GALNT17: variants seen among roughly 807,000 people sequenced by gnomAD.
The protein encoded by GALNT17 is polypeptide N-acetylgalactosaminyltransferase 17.
A neutral mutation model predicts 63.7 loss-of-function variants in GALNT17; 29 were observed. The observed-to-expected ratio is 0.46, with a 90% CI of 0.34 to 0.62. GALNT17 has a LOEUF of 0.62. GALNT17 is among the 20% of genes least tolerant of loss of function. GALNT17 has a pLI of 0.01. For missense variants in GALNT17, 603 were observed against 799.6 expected, an observed-to-expected ratio of 0.75 and a Z score of 2.97; for synonymous variants, 305 against 318.3, an observed-to-expected ratio of 0.96 and a Z score of 0.45.
chr7:71,448,946 A>G (rs1413613750), intron 5 of GALNT17, among the ~76,000 whole-genome samples: 1 of 152,078 alleles, frequency 6.6e-6, no homozygotes, highest in Admixed American at 6.6e-5. Context: ...AGGGATTTCT[A>G]GGACACTGGT....
chr7:71,396,198 G>T (rs538391855), intron 3 of GALNT17, among the ~76,000 whole-genome samples: 32 of 152,252 alleles, frequency 2.1e-4, no homozygotes, highest in African/African-American at 7.7e-4. Flanking sequence ...CTAATCCAAA[G>T]TCACAAAGAA....
chr7:71,698,561 A>C (rs1791579085), intron 9 of GALNT17, among the ~76,000 whole-genome samples: 1 of 152,114 alleles, frequency 6.6e-6, no homozygotes. Flanking sequence ...CACTGGTTAA[A>C]TTTGAAGAGT....
At chr7:71,652,401 A>G (rs1790766819) in intron 6 of GALNT17, among the ~76,000 whole-genome samples, 1 of 152,202 alleles carries the variant, frequency 6.6e-6, no homozygotes, top group Non-Finnish European at 1.5e-5. Flanking sequence ...CGTCCCGTTT[A>G]GTGAAAGAGA....
intron 1 of GALNT17, among the ~76,000 whole-genome samples, chr7:71,239,203 T>C (rs751777320): frequency 3.9e-5 from 6 of 152,108 alleles, no homozygotes; most frequent in Non-Finnish European, 7.3e-5. Context: ...CTCATGCCTA[T>C]AATTCCAATG....
chr7:71,578,481 A>G (rs1306613222), intron 6 of GALNT17, among the ~76,000 whole-genome samples: 1 of 152,026 alleles, frequency 6.6e-6, no homozygotes, highest in East Asian at 1.9e-4. Context: ...CTGCAGGTGC[A>G]CACCACTACA....
intron 1 of GALNT17, among the ~76,000 whole-genome samples, chr7:71,181,879 A>G (rs1479830090): frequency 7.7e-6 from 1 of 130,466 alleles, no homozygotes; most frequent in Non-Finnish European, 1.5e-5. Context: ...CCTGACTCTT[A>G]AAAGGAAAAA....
chr7:71,387,036 AG>A (rs2116337687), intron 2 of GALNT17, among the ~76,000 whole-genome samples: 1 of 151,988 alleles, frequency 6.6e-6, no homozygotes, highest in South Asian at 2.1e-4. Flanking sequence ...GAGCATCACT[AG>A]GGGAGTGGCG....
intron 9 of GALNT17, among the ~76,000 whole-genome samples, chr7:71,693,263 T>TACACACACACACAC (rs761584365): frequency 2.8e-5 from 3 of 108,898 alleles, no homozygotes; most frequent in African/African-American, 1.1e-4. Context: ...CACACACACA[T>TACACACACACACAC]ACACACACAC....
At chr7:71,217,904 G>A (rs1251192858) in intron 1 of GALNT17, among the ~76,000 whole-genome samples, 1 of 150,804 alleles carries the variant, frequency 6.6e-6, no homozygotes, top group African/African-American at 2.4e-5. Flanking sequence ...CTCCAGCCTG[G>A]GTGACAGAGC....
At chr7:71,332,294 G>GA (rs796153788) in intron 1 of GALNT17, among the ~76,000 whole-genome samples, 94 of 145,612 alleles carry the variant, frequency 6.5e-4, no homozygotes, top group African/African-American at 1.7e-3. Context: ...TGGATTTGGG[G>GA]AAAAAAAAAA....
At chr7:71,444,781 G>A (rs61294561) in intron 5 of GALNT17, among the ~76,000 whole-genome samples, 19 of 152,134 alleles carry the variant, frequency 1.2e-4, no homozygotes, top group Non-Finnish European at 2.4e-4. Flanking sequence ...GAGGCGAGAT[G>A]GTGTCACTGC....
intron 9 of GALNT17, among the ~76,000 whole-genome samples, chr7:71,696,027 A>C (rs1791535686): frequency 6.6e-6 from 1 of 152,240 alleles, no homozygotes; most frequent in African/African-American, 2.4e-5. Flanking sequence ...ACCAAGCAAT[A>C]AATAAATGTA....
chr7:71,450,343 C>T (rs775273266), intron 5 of GALNT17, among the ~76,000 whole-genome samples: 7 of 151,948 alleles, frequency 4.6e-5, no homozygotes, highest in Non-Finnish European at 8.8e-5. Flanking sequence ...CCATGTTGGC[C>T]AGGCTGGTCT....
intron 5 of GALNT17, among the ~76,000 whole-genome samples, chr7:71,530,815 G>A (rs539051996): frequency 4.7e-4 from 72 of 152,062 alleles, no homozygotes; most frequent in African/African-American, 1.4e-3. Context: ...TGATCCGTCC[G>A]CCTCGGCCTC....
At chr7:71,201,244 T>TATATATATATATATATATATAC (rs753976717) in intron 1 of GALNT17, among the ~76,000 whole-genome samples, 3,057 of 146,662 alleles carry the variant, frequency 0.021, 63 homozygotes, top group African/African-American at 0.039. Context: ...TTTATTTTTA[T>TATATATATATATATATATATAC]ATATATATAT....
chr7:71,278,770 G>A (rs1446055005), intron 1 of GALNT17, among the ~76,000 whole-genome samples: 1 of 152,032 alleles, frequency 6.6e-6, no homozygotes, highest in Non-Finnish European at 1.5e-5. Flanking sequence ...CAGCATGAGG[G>A]TAACCACTCT....
At chr7:71,686,527 C>T (rs1166995784) in intron 9 of GALNT17, among the ~76,000 whole-genome samples, 1 of 148,774 alleles carries the variant, frequency 6.7e-6, no homozygotes, top group Admixed American at 6.9e-5. Context: ...ATTACAGTCA[C>T]ACACCACCAT....
At chr7:71,489,669 AGG>A (rs765804011) in intron 5 of GALNT17, among the ~76,000 whole-genome samples, 2 of 152,330 alleles carry the variant, frequency 1.3e-5, no homozygotes, top group East Asian at 1.9e-4. Flanking sequence ...ATTTTACTAG[AGG>A]CTTACATACA....
chr7:71,278,244 A>C lies in GALNT17; in HGVS notation c.239-57306A>C, dbSNP rs112486967. The stretch of plus-strand genomic sequence containing the variant: ...TGAGCAAATTGAGGCTCAGAGGTTT[A>C]TTGACTTGCTCCAGGTTACCTGCAA... On this transcript the variant is annotated intron_variant, in intron 1 of 10. Coordinates refer to ENST00000333538, the MANE Select transcript of GALNT17 (RefSeq NM_022479.3). Among the ~76,000 whole-genome samples the C allele has an allele frequency of 4.0e-3, 604 of 152,294 alleles. 7 individuals are homozygous for C. Among genetic ancestry groups the C allele is most frequent in the African/African-American group, 0.014 (570 of 41,562 alleles).
Sources: gnomAD v4.1 joint callset for allele counts (sites outside exome capture counted in the v4.1 genomes callset) on GRCh38, gnomAD v4.1.1 for gene constraint, MANE v1.5 for transcripts, NCBI Gene and HGNC (gene_info 2026-07-23, HGNC 2026-07-21) for gene names.